Variants in DNM1L observed in about 807,000 individuals in gnomAD.
DNM1L encodes dynamin 1L.
Under a neutral mutation model 92.8 loss-of-function variants are expected in DNM1L, and 33 were observed. The observed-to-expected ratio is 0.36, with a 90% confidence interval of 0.27 to 0.48. DNM1L has a LOEUF of 0.48. DNM1L is among the 20% of genes least tolerant of loss of function. The pLI, the probability that DNM1L is intolerant of heterozygous loss-of-function variation, is 0.99. For missense variants in DNM1L, 485 were observed against 888.8 expected, an observed-to-expected ratio of 0.55 and a Z score of 5.78; for synonymous variants, 284 against 305.0, an observed-to-expected ratio of 0.93 and a Z score of 0.72.
rs1171468335 is a variant in DNM1L, at chr12:32,731,847, T to C, written c.1357-7T>C. On this transcript the variant is annotated splice_region_variant and splice_polypyrimidine_tract_variant and intron_variant, in intron 11 of 19. Transcript: ENST00000549701. This position sits in a 1 kb window ranked among gnomAD's most constrained non-coding sequence, Gnocchi z 5.1. ...AAACACGTTTTTCTTTCATCTACCATTTGTAGGAATTGTTACGATTTCCTA... is the reference window on the plus strand; with the variant it reads ...AAACACGTTTTTCTTTCATCTACCACTTGTAGGAATTGTTACGATTTCCTA... 1 of 1,607,926 alleles carries C rather than the reference T, an allele frequency of 6.2e-7. No homozygotes were observed. Among genetic ancestry groups the C allele is most frequent in the African/African-American group, 1.3e-5 (1 of 74,802 alleles).
At chr12:32,689,354 C>G (rs1007063169) in intron 1 of DNM1L, among the ~76,000 whole-genome samples, 3 of 151,990 alleles carry the variant, frequency 2.0e-5, no homozygotes, top group Non-Finnish European at 4.4e-5. Context: ...TGCGCCACCA[C>G]GCCTGGCTAA....
chr12:32,690,743 T>C (rs1008304622), intron 1 of DNM1L, among the ~76,000 whole-genome samples: 6 of 152,326 alleles, frequency 3.9e-5, no homozygotes, highest in Middle Eastern at 3.4e-3. Flanking sequence ...GTAGTAGCAA[T>C]GTAGTATGTT....
At chr12:32,720,941 A>ATG in intron 8 of DNM1L, 146 bp downstream of exon 8, 1 of 989,360 alleles carries the variant, frequency 1.0e-6, no homozygotes, top group Middle Eastern at 3.3e-4. Context: ...TGAAGAGTAG[A>ATG]TGTCTCTGTT....
chr12:32,688,194 G>C (rs553417356), intron 1 of DNM1L, among the ~76,000 whole-genome samples: 572 of 152,244 alleles, frequency 3.8e-3, no homozygotes, highest in Middle Eastern at 0.01. Flanking sequence ...CAAAATGCTG[G>C]GATTACAGGC....
At chr12:32,743,302 T>C in intron 19 of DNM1L, 52 bp from the exon 20 acceptor site, 6 of 1,529,674 alleles carry the variant, frequency 3.9e-6, no homozygotes, top group Non-Finnish European at 5.4e-6. Context: ...TAATTCAGAT[T>C]AATTTCATAA....
Position 32,707,397 on chromosome 12 carries a change from T to C in DNM1L, c.281T>C (p.Leu94Pro). 1 of 1,606,338 alleles carries C rather than the reference T, an allele frequency of 6.2e-7. No homozygotes were observed. Among genetic ancestry groups the C allele is most frequent in the Non-Finnish European group, 8.5e-7 (1 of 1,176,702 alleles). ...GVEAEEWGKF[L>P]HTKNKLYTDF... ...GAAGCAGAAGAATGGGGTAAATTTC[T>C]TCACACCAAAAATAAGGTAATCACA... Residue 94 changes from leucine (L) to proline (P), a missense_variant, in exon 3 of 20, where the codon CTT becomes CCT. Transcript: ENST00000549701.
intron 1 of DNM1L, among the ~76,000 whole-genome samples, chr12:32,695,078 T>C (rs755167368): frequency 3.1e-4 from 47 of 151,966 alleles, no homozygotes; most frequent in Non-Finnish European, 1.0e-4. Flanking sequence ...CTCTGAAGAA[T>C]ACAGACCAAG....
chr12:32,703,543 T>A (rs1952796154), intron 2 of DNM1L, among the ~76,000 whole-genome samples: 1 of 151,150 alleles, frequency 6.6e-6, no homozygotes, highest in Non-Finnish European at 1.5e-5. Context: ...AACAATATAG[T>A]TAGCTAGAAG....
chr12:32,733,836 C>T, intron 13 of DNM1L, 29 bp downstream of exon 13: 1 of 1,587,402 alleles, frequency 6.3e-7, no homozygotes, highest in Non-Finnish European at 8.6e-7. Flanking sequence ...TGCTTTTTCA[C>T]AGGTAGAAAA....
At chr12:32,708,126 A>T in intron 3 of DNM1L, 27 bp from the exon 4 acceptor site, 1 of 1,392,178 alleles carries the variant, frequency 7.2e-7, no homozygotes, top group Non-Finnish European at 1.0e-6. Context: ...TTTGAATATT[A>T]TGCTTTTTTA....
intron 15 of DNM1L, 64 bp downstream of exon 15, chr12:32,738,006 A>C: frequency 6.6e-7 from 1 of 1,517,928 alleles, no homozygotes; most frequent in East Asian, 2.3e-5. Flanking sequence ...AATCTTCTGG[A>C]AACAATACAC....
rs1398392331 is a variant in DNM1L, at chr12:32,712,584, AAGATAC to A, written c.457-622_457-617del. ...AGGATCATTTGAGCCCAGGAGTTTG[AAGATAC>A]AGTGAGCTATGATCGCACCACTGCA... is the stretch of plus-strand genomic sequence containing the variant. On this transcript the variant is annotated intron_variant, in intron 5 of 19. Coordinates refer to ENST00000549701, the MANE Select transcript of DNM1L (RefSeq NM_012062.5). Among the ~76,000 whole-genome samples the A allele has an allele frequency of 2.7e-5, 4 of 145,460 alleles. No individual in the cohort carries two copies. The East Asian group carries it at 8.3e-4, about 30-fold the overall frequency.
At position 32,744,964 on chromosome 12, in the gene DNM1L, T is replaced by C. The variant is rs1259706351; in HGVS notation, c.*1554T>C. ...CAGATATTACTTTTTTTTCAGTTTATGACCAGGTATTTATGAAGGACTATT... is the reference window on the plus strand; with the variant it reads ...CAGATATTACTTTTTTTTCAGTTTACGACCAGGTATTTATGAAGGACTATT... On this transcript the variant is annotated 3_prime_UTR_variant, in exon 20 of 20. Coordinates refer to ENST00000549701, the MANE Select transcript of DNM1L (RefSeq NM_012062.5). The C allele has an allele frequency of 3.9e-6, 2 of 518,718 alleles. No individual in the cohort carries two copies. The highest frequency in any genetic ancestry group is 7.7e-6 in the Non-Finnish European group (2 of 259,844). 32.1% of individuals were successfully genotyped at this position (518,718 alleles called of 1,614,324 possible).
intron 6 of DNM1L, among the ~76,000 whole-genome samples, chr12:32,716,809 A>G (rs1309919636): frequency 6.8e-6 from 1 of 147,282 alleles, no homozygotes; most frequent in African/African-American, 2.5e-5. Flanking sequence ...TCTGAGAAAT[A>G]TGTGAGTTGT....
rs758132509 is a variant in DNM1L, at chr12:32,731,859, G to A, written c.1362G>A (p.Leu454=). The A allele has an allele frequency of 1.2e-6, 2 of 1,611,390 alleles. No homozygotes were observed. The highest frequency in any genetic ancestry group is 1.1e-5 in the South Asian group (1 of 90,858). ...CTTTCATCTACCATTTGTAGGAATT[G>A]TTACGATTTCCTAAACTTCATGATG... The part of the protein sequence containing the change: ...QHCSNYSTQE[L]LRFPKLHDAI... Residue 454 remains leucine (L), a synonymous_variant, in exon 12 of 20, where the codon TTG becomes TTA. Transcript: ENST00000549701. The surrounding 1 kb of genome is among the most constrained non-coding windows in gnomAD (Gnocchi z 5.1).
intron 12 of DNM1L, chr12:32,732,588 G>C (rs1340558638): frequency 2.2e-6 from 1 of 455,948 alleles, no homozygotes; most frequent in African/African-American, 2.0e-5. Context: ...GGTTTACTAA[G>C]AGTACAAAAC....
At chr12:32,724,593 A>ATATATAT (rs1491525657) in intron 9 of DNM1L, among the ~76,000 whole-genome samples, 20 of 66,644 alleles carry the variant, frequency 3.0e-4, no homozygotes, top group East Asian at 1.3e-3. Context: ...AAAAAAAAAA[A>ATATATAT]ATATATATAT....
intron 6 of DNM1L, among the ~76,000 whole-genome samples, chr12:32,714,619 GA>G (rs1953282573): frequency 6.6e-6 from 1 of 151,842 alleles, no homozygotes; most frequent in Admixed American, 6.6e-5. Flanking sequence ...TTTACCACTT[GA>G]GTAAATAATG....
At position 32,734,782 on chromosome 12, in the gene DNM1L, C is replaced by G. The variant is rs756228639; in HGVS notation, c.1539+975C>G. ...TGAGATCGCGCCATTGCACTCCAGC[C>G]TGGGCAACAAGGGCGAAACTCCATC... On this transcript the variant is annotated intron_variant, in intron 13 of 19. Coordinates refer to ENST00000549701, the MANE Select transcript of DNM1L (RefSeq NM_012062.5). Among the ~76,000 whole-genome samples, 32 of 152,138 alleles carry G rather than the reference C, an allele frequency of 2.1e-4. 1 individual carries two copies. Among genetic ancestry groups the G allele is most frequent in the Admixed American group, 6.5e-5 (1 of 15,276 alleles).
Sources: allele counts gnomAD v4.1 joint callset (sites outside exome capture counted in the v4.1 genomes callset), GRCh38; gene constraint gnomAD v4.1.1; non-coding constraint Gnocchi (gnomAD v3.1); transcripts MANE v1.5; gene names NCBI Gene and HGNC (gene_info 2026-07-23, HGNC 2026-07-21).